The following IGF2R variants were observed in gnomAD, a reference collection of about 807,000 sequenced individuals.
The protein encoded by IGF2R is insulin like growth factor 2 receptor, also known as cation-independent mannose-6-phosphate receptor.
In IGF2R, 91 loss-of-function variants were observed where a neutral mutation model predicts 270.6. The ratio of observed to expected loss-of-function variants is 0.34; its 90% CI spans 0.28 to 0.40. IGF2R has a LOEUF of 0.40. Among genes scored for constraint, IGF2R ranks in the 10% least tolerant of loss-of-function variants. The pLI is 1.00. For missense variants in IGF2R, 2,805 were observed against 3,188.3 expected, an observed-to-expected ratio of 0.88 and a Z score of 2.90; for synonymous variants, 1,316 against 1,258.9, an observed-to-expected ratio of 1.05 and a Z score of -0.96.
rs773726244 is a variant in IGF2R, at chr6:159,991,274, A to T, written c.240A>T (p.Ser80=). 6.8e-6 allele frequency: 11 copies of T among 1,613,864 alleles called. No individual in the cohort carries two copies. Among genetic ancestry groups the T allele is most frequent in the Non-Finnish European group, 9.3e-6 (11 of 1,179,930 alleles). Residue 80 remains serine, a synonymous_variant, in exon 2 of 48, where the codon TCA becomes TCT. Transcript: ENST00000356956. ...GSVDIVQCGP[S]SAVCMHDLKT... is the part of the protein sequence containing the mutation. ...TGGATATTGTCCAGTGCGGGCCATC[A>T]AGTGCTGTTTGTATGCACGACTTGA...
At chr6:160,034,161 A>G (rs1052461468) in intron 9 of IGF2R, among the ~76,000 whole-genome samples, 4 of 152,252 alleles carry the variant, frequency 2.6e-5, no homozygotes, top group Non-Finnish European at 5.9e-5. Context: ...GAACAAGAGA[A>G]GTCTTCATGC....
rs1387775390 is a variant in IGF2R at position 160,043,221 on chromosome 6, T to A, written c.1554T>A (p.Ile518=). The change falls in exon 12 of 48, where the codon ATT becomes ATA. Residue 518 remains isoleucine (I), a synonymous_variant. Transcript: ENST00000356956. ...ETEKKHFFIN[I]CHRVLQEGKA... is the part of the protein sequence containing the mutation. ...AGAAGAAGCATTTTTTCATTAATAT[T>A]TGTCACAGAGTGCTGCAGGAAGGCA... 6.2e-7 allele frequency: 1 copy of A among 1,614,212 alleles called. No homozygotes were observed. The highest frequency in any genetic ancestry group is 8.5e-7 in the Non-Finnish European group (1 of 1,180,038).
chr6:160,038,177 A>C (rs751710510), intron 10 of IGF2R, among the ~76,000 whole-genome samples: 29 of 152,180 alleles, frequency 1.9e-4, no homozygotes, highest in Non-Finnish European at 2.8e-4. Flanking sequence ...GCTGGAGAAT[A>C]AACTAGAGCC....
chr6:159,999,495 C>T (rs530645503), intron 2 of IGF2R, among the ~76,000 whole-genome samples: 120 of 152,252 alleles, frequency 7.9e-4, no homozygotes, highest in African/African-American at 2.8e-3. Context: ...GTCATGGGGT[C>T]ACATCAGACA....
At chr6:159,988,230 A>C (rs1181783781) in intron 1 of IGF2R, among the ~76,000 whole-genome samples, 1 of 152,118 alleles carries the variant, frequency 6.6e-6, no homozygotes, top group Non-Finnish European at 1.5e-5. Flanking sequence ...AGAAAAGCAT[A>C]GCAGGCCGGG....
chr6:160,020,021 CTG>C (rs1013557176), intron 4 of IGF2R, among the ~76,000 whole-genome samples: 2 of 152,152 alleles, frequency 1.3e-5, no homozygotes, highest in African/African-American at 4.8e-5. Flanking sequence ...CAACGTGTCT[CTG>C]TGTGCTGATG....
chr6:160,060,717 G>A lies in IGF2R; in HGVS notation c.3262G>A (p.Asp1088Asn). The A allele has an allele frequency of 3.1e-6, 5 of 1,614,212 alleles. No homozygotes were observed. The highest frequency in any genetic ancestry group is 4.2e-6 in the Non-Finnish European group (5 of 1,180,026). Residue 1088 changes from aspartate (D) to asparagine (N), a missense_variant and splice_region_variant, in exon 23 of 48, where the codon GAC becomes AAC. This residue lies in a region of IGF2R where 1,851 missense variants were observed against 2,207.2 expected (regional missense o/e 0.84). Coordinates refer to ENST00000356956, the MANE Select transcript of IGF2R (RefSeq NM_000876.4). ...TTCTCCAGTGGACTGCCAAGTCACC[G>A]GTAAGGCCGTGCGGCCTAAGAACTG... The part of the protein sequence containing the change: ...VPSPVDCQVT[D>N]LAGNEYDLTG...
At position 160,029,381 on chromosome 6, in the gene IGF2R, T is replaced by C. The variant is rs75882353; in HGVS notation, c.777-169T>C. Among the ~76,000 whole-genome samples the C allele has an allele frequency of 8.9e-4, 135 of 151,514 alleles. 2 individuals are homozygous for C. The highest frequency in any genetic ancestry group is 2.8e-3 in the African/African-American group (115 of 41,418). On this transcript the variant is annotated intron_variant, in intron 6 of 47. Transcript: ENST00000356956. The stretch of plus-strand genomic sequence containing the variant: ...AGTTTACTTAAAACTTTTTTTTTTT[T>C]CAAATGGAAATAAAGTCATTTTATA...
chr6:159,991,261 A>G lies in IGF2R; in HGVS notation c.227A>G (p.Gln76Arg), dbSNP rs749466130. 6.2e-7 allele frequency: 1 copy of G among 1,614,072 alleles called. No individual in the cohort carries two copies. Residue 76 changes from glutamine to arginine, a missense_variant, in exon 2 of 48, where the codon CAG becomes CGG. Coordinates refer to ENST00000356956, the MANE Select transcript of IGF2R (RefSeq NM_000876.4). ...INICGSVDIVQCGPSSAVCMH... is the reference protein window; with the variant it reads ...INICGSVDIVRCGPSSAVCMH... ...ATCTGTGGAAGTGTGGATATTGTCC[A>G]GTGCGGGCCATCAAGTGCTGTTTGT...
chr6:160,035,933 A>G (rs1333853915), intron 10 of IGF2R, among the ~76,000 whole-genome samples: 1 of 152,126 alleles, frequency 6.6e-6, no homozygotes, highest in East Asian at 1.9e-4. Context: ...GAGCCACACT[A>G]CATTGAGGAG....
At chr6:160,061,406 G>A in intron 23 of IGF2R, 97 bp from the exon 24 acceptor site, 8 of 1,117,364 alleles carry the variant, frequency 7.2e-6, no homozygotes, top group Non-Finnish European at 1.1e-5. Context: ...GGAATGCCAG[G>A]TTCACGCCTC....
chr6:160,041,956 T>TA (rs1350981690), intron 11 of IGF2R, among the ~76,000 whole-genome samples: 3 of 151,808 alleles, frequency 2.0e-5, no homozygotes, highest in Non-Finnish European at 4.4e-5. Flanking sequence ...CCGGGTTTCT[T>TA]ACGGTGAACT....
At chr6:160,006,363 C>T (rs894880543) in intron 2 of IGF2R, 1 of 152,956 alleles carries the variant, frequency 6.5e-6, no homozygotes. Flanking sequence ...CACCCCCGCC[C>T]CTGCTCAGTG....
At chr6:160,083,493 C>T (rs1045605598) in intron 39 of IGF2R, among the ~76,000 whole-genome samples, 4 of 152,168 alleles carry the variant, frequency 2.6e-5, no homozygotes, top group South Asian at 2.1e-4. Context: ...AGACCCTTTA[C>T]GGGTGTCAGG....
intron 1 of IGF2R, among the ~76,000 whole-genome samples, chr6:159,984,589 C>T (rs1189017195): frequency 6.6e-6 from 1 of 152,196 alleles, no homozygotes; most frequent in Non-Finnish European, 1.5e-5. Context: ...TTCAGTGCAG[C>T]GTCATGCTGT....
intron 2 of IGF2R, among the ~76,000 whole-genome samples, chr6:159,996,109 G>A (rs773735969): frequency 6.6e-6 from 1 of 152,098 alleles, no homozygotes; most frequent in African/African-American, 2.4e-5. Flanking sequence ...GTTATAGTTG[G>A]CCTTTTTGTG....
At chr6:160,070,122 G>T in intron 31 of IGF2R, 64 bp downstream of exon 31, 1 of 1,481,664 alleles carries the variant, frequency 6.7e-7, no homozygotes, top group South Asian at 1.2e-5. Flanking sequence ...TGTGCAGGGC[G>T]GTGAGCCGCA....
intron 1 of IGF2R, among the ~76,000 whole-genome samples, chr6:159,979,138 G>C (rs1783740261): frequency 6.6e-6 from 1 of 152,222 alleles, no homozygotes; most frequent in Non-Finnish European, 1.5e-5. Context: ...GCTGGGAGGA[G>C]AGAGCTCCTT....
chr6:160,062,579 C>T lies in IGF2R; in HGVS notation c.3630C>T (p.Ile1210=), dbSNP rs752034595. ...QLQDGCEYVF[I]WRTVEACPVV... is the part of the protein sequence containing the mutation. ...AGGATGGTTGTGAGTACGTGTTTAT[C>T]TGGAGAACTGTGGAAGCCTGTCCCG... Residue 1210 remains isoleucine (I), a synonymous_variant, in exon 26 of 48, where the codon ATC becomes ATT. Coordinates refer to ENST00000356956, the MANE Select transcript of IGF2R (RefSeq NM_000876.4). The T allele has an allele frequency of 6.2e-7, 1 of 1,613,986 alleles. No homozygotes were observed. Among genetic ancestry groups the T allele is most frequent in the Admixed American group, 1.7e-5 (1 of 60,006 alleles).
Sources: gnomAD v4.1 joint callset for allele counts (sites outside exome capture counted in the v4.1 genomes callset) on GRCh38, gnomAD v4.1.1 for gene constraint, gnomAD v4.1.1 regional missense constraint, MANE v1.5 for transcripts, NCBI Gene and HGNC (gene_info 2026-07-23, HGNC 2026-07-21) for gene names.